The following USP6 variants were observed in gnomAD, a reference collection of about 807,000 sequenced individuals.
The protein encoded by USP6 is ubiquitin carboxyl-terminal hydrolase 6.
Under a neutral mutation model 175.7 loss-of-function variants are expected in USP6, and 128 were observed. The observed-to-expected ratio is 0.73, with a 90% CI of 0.63 to 0.84. The LOEUF (loss-of-function observed/expected upper bound fraction) is 0.84. Among genes scored for constraint, USP6 ranks in the 40% least tolerant of loss-of-function variants. The pLI is 0.00. For synonymous variants in USP6, 562 were observed against 630.6 expected, an observed-to-expected ratio of 0.89 and a Z score of 1.63; for missense variants, 1,498 against 1,760.3, an observed-to-expected ratio of 0.85 and a Z score of 2.67.
intron 1 of USP6, among the ~76,000 whole-genome samples, chr17:5,117,745 G>A (rs1034755696): frequency 6.6e-6 from 1 of 152,092 alleles, no homozygotes; most frequent in African/African-American, 2.4e-5. Flanking sequence ...TTAGGAGGCT[G>A]CGATAATAGT....
At chr17:5,160,720 T>G (rs1598085800) in intron 31 of USP6, among the ~76,000 whole-genome samples, 1 of 152,366 alleles carries the variant, frequency 6.6e-6, no homozygotes, top group East Asian at 1.9e-4. Flanking sequence ...CAGCATGATT[T>G]ATAATCCTTT....
In USP6 at chr17:5,130,629, A is replaced by G. The variant is rs1300673312; in HGVS notation, c.100A>G (p.Lys34Glu). The G allele has an allele frequency of 3.1e-6, 5 of 1,613,822 alleles. No homozygotes were observed. Among genetic ancestry groups the G allele is most frequent in the Non-Finnish European group, 4.2e-6 (5 of 1,179,850 alleles). ...ACACCGAGCTGGGCTGCCAGAGGACAAGGGGCCTGAGCCCGTTGGAATCAA... is the reference window on the plus strand; with the variant it reads ...ACACCGAGCTGGGCTGCCAGAGGACGAGGGGCCTGAGCCCGTTGGAATCAA... ...KGHRAGLPEDKGPEPVGINSS... is the reference protein window; with the variant it reads ...KGHRAGLPEDEGPEPVGINSS... Residue 34 changes from lysine (K) to glutamate (E), a missense_variant, in exon 11 of 38, where the codon AAG becomes GAG. Lys to Glu is a moderately conservative substitution (Grantham distance 56). Transcript: ENST00000574788.
intron 11 of USP6, among the ~76,000 whole-genome samples, chr17:5,130,993 T>A: frequency 6.6e-6 from 1 of 152,354 alleles, no homozygotes; most frequent in African/African-American, 2.4e-5. Context: ...GTTCTGGTCC[T>A]GTCTACCAGG....
chr17:5,147,933 T>G (rs960936605), intron 29 of USP6, among the ~76,000 whole-genome samples: 90 of 152,288 alleles, frequency 5.9e-4, no homozygotes, highest in Non-Finnish European at 2.9e-4. Flanking sequence ...CAGCCTGGAG[T>G]GCAGTGGCAT....
At chr17:5,169,169 G>C in intron 35 of USP6, 114 bp downstream of exon 35, 1 of 1,183,104 alleles carries the variant, frequency 8.5e-7, no homozygotes, top group East Asian at 2.6e-5. Context: ...AACCTATCTG[G>C]AATCAGACCT....
rs768682445 is a variant in USP6, at chr17:5,130,599, C to T, written c.73-3C>T. 4 of 1,613,688 alleles carry T rather than the reference C, an allele frequency of 2.5e-6. No individual in the cohort carries two copies. In the African/African-American group the frequency reaches 4.0e-5, roughly 16 times the overall value. ...CCTCACCAAGGCTCCCTCTGGGTTA[C>T]AGGGACACCGAGCTGGGCTGCCAGA... On this transcript the variant is annotated splice_polypyrimidine_tract_variant and splice_region_variant and intron_variant, in intron 10 of 37. Coordinates refer to ENST00000574788, the MANE Select transcript of USP6 (RefSeq NM_001304284.2).
intron 31 of USP6, among the ~76,000 whole-genome samples, chr17:5,160,101 A>G (rs371873411): frequency 6.6e-6 from 1 of 152,210 alleles, no homozygotes. Context: ...TGAGAGTGCT[A>G]CTTGATTGTT....
At chr17:5,138,295 C>T (rs780977612) in intron 21 of USP6, 22 bp downstream of exon 21, 56 of 1,612,348 alleles carry the variant, frequency 3.5e-5, no homozygotes, top group Non-Finnish European at 3.8e-5. Context: ...TGCCATGTCC[C>T]CTCCCATGTC....
At chr17:5,153,917 G>A (rs188170023) in intron 30 of USP6, among the ~76,000 whole-genome samples, 29 of 152,344 alleles carry the variant, frequency 1.9e-4, no homozygotes, top group African/African-American at 7.0e-4. Context: ...GCCTCCCGAA[G>A]TGCTGGGATT....
At chr17:5,122,819 A>G (rs554884281) in intron 4 of USP6, among the ~76,000 whole-genome samples, 9 of 152,256 alleles carry the variant, frequency 5.9e-5, no homozygotes, top group African/African-American at 1.7e-4. Context: ...GGGCGCGGAG[A>G]GCGCACTGAG....
At position 5,155,443 on chromosome 17, in the gene USP6, C is replaced by G. The variant is rs1483922707; in HGVS notation, c.2665C>G (p.Leu889Val). Residue 889 changes from leucine (L) to valine (V), a missense_variant, in exon 31 of 38, where the codon CTG becomes GTG. Transcript: ENST00000574788. ...ACAGATGAGGACAGAACTGTATTTC[C>G]TGTCACCTCAGGAGAATCGCCCCAG... ...RKMMRTELYF[L>V]SPQENRPSLF... The G allele has an allele frequency of 9.3e-6, 15 of 1,613,926 alleles. No individual in the cohort carries two copies. Among genetic ancestry groups the G allele is most frequent in the Non-Finnish European group, 1.3e-5 (15 of 1,179,946 alleles).
Position 5,135,257 on chromosome 17 carries a change from TC to T in USP6, c.520del (p.Leu174TrpfsTer16). The T allele has an allele frequency of 6.2e-7, 1 of 1,612,980 alleles. No individual in the cohort carries two copies. Among genetic ancestry groups the T allele is most frequent in the Non-Finnish European group, 8.5e-7 (1 of 1,179,166 alleles). The stretch of plus-strand genomic sequence containing the variant: ...AGGCAGAGGGAACTATTCTACATCC[TC>T]CTGGCCTATTCGGAGTATAACCCGG... The part of the protein sequence containing the change: ...GAKQRELFYI[L>X]LAYSEYNPEV... On this transcript the variant is annotated frameshift_variant, in exon 16 of 38. Coordinates refer to ENST00000574788, the MANE Select transcript of USP6 (RefSeq NM_001304284.2). LOFTEE classifies it high-confidence loss of function.
At chr17:5,165,372 G>A (rs1027736518) in intron 33 of USP6, among the ~76,000 whole-genome samples, 6 of 152,116 alleles carry the variant, frequency 3.9e-5, no homozygotes, top group Non-Finnish European at 7.4e-5. Context: ...AGTAGAAAAT[G>A]AAACTAGATG....
At chr17:5,156,053 A>G (rs1185306162) in intron 31 of USP6, among the ~76,000 whole-genome samples, 1 of 152,234 alleles carries the variant, frequency 6.6e-6, no homozygotes, top group Non-Finnish European at 1.5e-5. Context: ...GAAAAGTCTC[A>G]TGATACAAAA....
At chr17:5,155,148 G>C (rs2073854232) in intron 30 of USP6, among the ~76,000 whole-genome samples, 1 of 152,218 alleles carries the variant, frequency 6.6e-6, no homozygotes, top group South Asian at 2.1e-4. Flanking sequence ...ATGTTTATCA[G>C]AGAAAACTCT....
chr17:5,137,509 C>A, intron 19 of USP6, 142 bp from the exon 20 acceptor site: 1 of 885,724 alleles, frequency 1.1e-6, no homozygotes, highest in Non-Finnish European at 1.8e-6. Flanking sequence ...AAGACCTTTT[C>A]TGACTCAGCA....
chr17:5,139,646 C>T lies in USP6; in HGVS notation c.1470C>T (p.Thr490=), dbSNP rs1598026193. 1 of 1,611,856 alleles carries T rather than the reference C, an allele frequency of 6.2e-7. No homozygotes were observed. The highest frequency in any genetic ancestry group is 1.1e-5 in the South Asian group (1 of 91,054). ...RAISQEDQLA[T]CWQAEHCGEV... ...TATCCCAGGAGGACCAGCTGGCCAC[C>T]TGCTGGCAGGCTGAACACTGCGGAG... The change falls in exon 22 of 38, where the codon ACC becomes ACT. Residue 490 remains threonine, a synonymous_variant. Coordinates refer to ENST00000574788, the MANE Select transcript of USP6 (RefSeq NM_001304284.2).
At position 5,130,613 on chromosome 17, in the gene USP6, T is replaced by A; in HGVS notation, c.84T>A (p.Ala28=). The change falls in exon 11 of 38, where the codon GCT becomes GCA. Residue 28 remains alanine, a synonymous_variant. Coordinates refer to ENST00000574788, the MANE Select transcript of USP6 (RefSeq NM_001304284.2). ...CCTCTGGGTTACAGGGACACCGAGC[T>A]GGGCTGCCAGAGGACAAGGGGCCTG... ...ILMKYDKGHR[A]GLPEDKGPEP... is the part of the protein sequence containing the mutation. 1 of 1,613,900 alleles carries A rather than the reference T, an allele frequency of 6.2e-7. No homozygotes were observed.
At chr17:5,141,955 T>C (rs2073459114) in intron 23 of USP6, 48 bp from the exon 24 acceptor site, 1 of 1,576,240 alleles carries the variant, frequency 6.3e-7, no homozygotes, top group South Asian at 1.2e-5. Context: ...GTTTGTGCCA[T>C]GGCATATTAC....
Sources: gnomAD v4.1 joint callset for allele counts (sites outside exome capture counted in the v4.1 genomes callset) on GRCh38, gnomAD v4.1.1 for gene constraint, MANE v1.5 for transcripts, NCBI Gene and HGNC (gene_info 2026-07-23, HGNC 2026-07-21) for gene names.